MEIOB: variants seen among roughly 807,000 people sequenced by gnomAD.
The protein encoded by MEIOB is meiosis-specific with OB domain-containing protein.
In MEIOB, 50 loss-of-function variants were observed where a neutral mutation model predicts 53.1. The observed-to-expected ratio is 0.94, with a 90% CI of 0.75 to 1.19. The LOEUF is 1.19. Among genes scored for constraint, MEIOB ranks in the 50% most tolerant of loss-of-function variants. MEIOB has a pLI of 0.00. For synonymous variants in MEIOB, 192 were observed against 182.5 expected (o/e 1.05, Z -0.42); for missense variants, 551 against 550.8 (o/e 1.00, Z 0.00).
intron 10 of MEIOB, among the ~76,000 whole-genome samples, chr16:1,842,206 G>C (rs931693883): frequency 2.0e-4 from 30 of 152,010 alleles, no homozygotes; most frequent in Non-Finnish European, 7.4e-5. Context: ...TTCATCAAAA[G>C]ACACCATTAA....
chr16:1,846,729 T>C (rs1899035222), intron 9 of MEIOB, among the ~76,000 whole-genome samples: 1 of 151,640 alleles, frequency 6.6e-6, no homozygotes, highest in African/African-American at 2.4e-5. Flanking sequence ...ATGTTCTCAC[T>C]CATAAGTGGG....
At chr16:1,865,930 C>A in intron 2 of MEIOB, 95 bp from the exon 3 acceptor site, 2 of 782,332 alleles carry the variant, frequency 2.6e-6, no homozygotes, top group Non-Finnish European at 4.0e-6. Flanking sequence ...CTGGCTCTAA[C>A]AAACATTTCT....
chr16:1,834,372 AG>A lies in MEIOB; in HGVS notation c.1306-7del. On this transcript the variant is annotated splice_region_variant and splice_polypyrimidine_tract_variant and intron_variant, in intron 13 of 13. Transcript: ENST00000325962. ...GCTCTGTGTGATAGAACGAACTGCG[AG>A]GAGAAACAGAAAAAGAGACAAAAGG... 6.8e-7 allele frequency: 1 copy of A among 1,473,678 alleles called. No individual in the cohort carries two copies. Among genetic ancestry groups the A allele is most frequent in the Non-Finnish European group, 9.4e-7 (1 of 1,062,344 alleles). 91.3% of individuals were successfully genotyped at this position (1,473,678 alleles called of 1,614,324 possible).
intron 1 of MEIOB, among the ~76,000 whole-genome samples, chr16:1,870,449 C>G (rs780322012): frequency 5.3e-5 from 8 of 152,214 alleles, no homozygotes; most frequent in African/African-American, 1.2e-4. Context: ...GGACGTGTCT[C>G]ATGACACCTG....
At chr16:1,854,668 C>T (rs1028997932) in intron 6 of MEIOB, among the ~76,000 whole-genome samples, 7 of 152,138 alleles carry the variant, frequency 4.6e-5, no homozygotes, top group South Asian at 4.1e-4. Context: ...AAAGTGTCCA[C>T]AGGAAACAAA....
intron 9 of MEIOB, among the ~76,000 whole-genome samples, chr16:1,847,204 G>C (rs1026871300): frequency 1.3e-5 from 2 of 151,548 alleles, no homozygotes; most frequent in African/African-American, 2.4e-5. Flanking sequence ...GCTCACGCCT[G>C]TAATCCCAGA....
chr16:1,865,677 A>T, intron 3 of MEIOB, 101 bp downstream of exon 3: 1 of 797,910 alleles, frequency 1.3e-6, no homozygotes, highest in Non-Finnish European at 2.0e-6. Flanking sequence ...GCTCTTAAGG[A>T]GTTAAACAGG....
chr16:1,840,807 C>G (rs573977173), intron 11 of MEIOB, among the ~76,000 whole-genome samples: 1 of 152,236 alleles, frequency 6.6e-6, no homozygotes, highest in South Asian at 2.1e-4. Flanking sequence ...GCCTTGGCCT[C>G]CCAAAGTGCT....
intron 12 of MEIOB, among the ~76,000 whole-genome samples, chr16:1,838,682 T>G (rs1000472736): frequency 6.6e-6 from 1 of 152,078 alleles, no homozygotes; most frequent in African/African-American, 2.4e-5. Context: ...CATGTTTCCT[T>G]AGTGTTTTGT....
chr16:1,862,153 G>A lies in MEIOB; in HGVS notation c.128-37C>T, dbSNP rs182879384. ...CCAATGCTTTTATTTTTCAAATGAAGAGTTTCAATCGCTTCTCTGCCTTTT... is the reference window on the plus strand; with the variant it reads ...CCAATGCTTTTATTTTTCAAATGAAAAGTTTCAATCGCTTCTCTGCCTTTT... On this transcript the variant is annotated intron_variant, in intron 3 of 13. Coordinates refer to ENST00000325962, the MANE Select transcript of MEIOB (RefSeq NM_001163560.3). The A allele has an allele frequency of 2.4e-5, 36 of 1,519,710 alleles. No individual in the cohort carries two copies. In the Admixed American group the frequency reaches 4.7e-4, roughly 20 times the overall value. 94.1% of individuals were successfully genotyped at this position (1,519,710 alleles called of 1,614,324 possible). A position where few individuals can be genotyped will look rare whatever the true frequency, so the allele number is the denominator to read the frequency against.
rs1899236165 is a variant in MEIOB at position 1,853,962 on chromosome 16, GATTT to G, written c.629+134_629+137del. ...ATAACAACTCAACATTCAAGAGTGA[GATTT>G]ATTTTTTAAAATATCATTCATCTCC... On this transcript the variant is annotated intron_variant, in intron 7 of 13. Coordinates refer to ENST00000325962, the MANE Select transcript of MEIOB (RefSeq NM_001163560.3). 3.5e-5 allele frequency: 23 copies of G among 649,676 alleles called. No homozygotes were observed. In the South Asian group the frequency reaches 4.2e-4, roughly 12 times the overall value. The allele number at this position is 649,676 out of a possible 1,614,324, so 40.2% of individuals were successfully genotyped here. A position where few individuals can be genotyped will look rare whatever the true frequency, so the allele number is the denominator to read the frequency against.
chr16:1,864,487 C>CT lies in MEIOB; in HGVS notation c.127+1290dup, dbSNP rs1475030667. 2.6e-3 allele frequency among the ~76,000 whole-genome samples: 297 copies of CT among 113,274 alleles called. 2 individuals are homozygous for CT. Among genetic ancestry groups the CT allele is most frequent in the African/African-American group, 8.2e-3 (231 of 28,252 alleles). 74.3% of individuals were successfully genotyped at this position (113,274 alleles called of 152,430 possible). ...AAAACTGTGAATTTCTTTTTCTTTT[C>CT]TTTTTTTTTTTTTTTTTTGAGACAG... On this transcript the variant is annotated intron_variant, in intron 3 of 13. Transcript: ENST00000325962.
At chr16:1,836,876 C>T (rs1418002716) in intron 13 of MEIOB, among the ~76,000 whole-genome samples, 1 of 152,152 alleles carries the variant, frequency 6.6e-6, no homozygotes, top group Non-Finnish European at 1.5e-5. Context: ...CAGTATTAAG[C>T]TGCAGTACAG....
At position 1,865,838 on chromosome 16, in the gene MEIOB, G is replaced by A. The variant is rs908406567; in HGVS notation, c.70-3C>T. ...CCAATAACTATACCGATAACTTTCT[G>A]AAAAACAAAAAGGTCACAGAAGACC... is the stretch of plus-strand genomic sequence containing the variant. On this transcript the variant is annotated splice_polypyrimidine_tract_variant and splice_region_variant and intron_variant, in intron 2 of 13. Transcript: ENST00000325962. 8 of 1,540,704 alleles carry A rather than the reference G, an allele frequency of 5.2e-6. No homozygotes were observed. In the African/African-American group the frequency reaches 8.3e-5, roughly 16 times the overall value.
At chr16:1,858,593 AC>A (rs1899365959) in intron 5 of MEIOB, among the ~76,000 whole-genome samples, 1 of 152,094 alleles carries the variant, frequency 6.6e-6, no homozygotes, top group South Asian at 2.1e-4. Flanking sequence ...ATCTTCCTAA[AC>A]CACAAATATG....
chr16:1,838,062 T>G, intron 12 of MEIOB, 192 bp from the exon 13 acceptor site: 2 of 1,068,846 alleles, frequency 1.9e-6, no homozygotes, highest in Non-Finnish European at 2.7e-6. Flanking sequence ...AGCAGTGCTA[T>G]CACAGCTCAC....
At chr16:1,866,113 T>G (rs1225379202) in intron 2 of MEIOB, among the ~76,000 whole-genome samples, 1 of 152,202 alleles carries the variant, frequency 6.6e-6, no homozygotes, top group Non-Finnish European at 1.5e-5. Flanking sequence ...AGATGGAGCA[T>G]AATAACTGCC....
At chr16:1,869,396 C>A (rs1481183703) in intron 1 of MEIOB, among the ~76,000 whole-genome samples, 1 of 152,084 alleles carries the variant, frequency 6.6e-6, no homozygotes, top group Non-Finnish European at 1.5e-5. Context: ...GGATTACAGG[C>A]GTGAGCCACC....
intron 2 of MEIOB, among the ~76,000 whole-genome samples, chr16:1,867,189 A>G (rs1184285944): frequency 6.6e-6 from 1 of 152,132 alleles, no homozygotes; most frequent in East Asian, 1.9e-4. Context: ...AGGGGCAGGG[A>G]AGGTAAGGGT....
Sources: gnomAD v4.1 joint callset for allele counts (sites outside exome capture counted in the v4.1 genomes callset) on GRCh38, gnomAD v4.1.1 for gene constraint, MANE v1.5 for transcripts, NCBI Gene and HGNC (gene_info 2026-07-23, HGNC 2026-07-21) for gene names.